The following KCNA6 variants were observed in gnomAD, a reference collection of about 807,000 sequenced individuals.
The protein encoded by KCNA6 is human brain potassium channel-2.
In KCNA6, 17 loss-of-function variants were observed where a neutral mutation model predicts 29.5. The ratio of observed to expected loss-of-function variants is 0.58; its 90% CI spans 0.39 to 0.86. The LOEUF is 0.86. Among genes scored for constraint, KCNA6 ranks in the 40% least tolerant of loss-of-function variants. The pLI is 0.00. For missense variants in KCNA6, 450 were observed against 703.4 expected (o/e 0.64, Z 4.07); for synonymous variants, 296 against 304.7 (o/e 0.97, Z 0.30).
chr12:4,834,980 G>A, the KCNA6 span, among the ~76,000 whole-genome samples: 1 of 152,208 alleles, frequency 6.6e-6, no homozygotes, highest in East Asian at 1.9e-4. Context: ...ACTGACCTAA[G>A]GCACAACAAC....
At chr12:4,820,289 C>A in the KCNA6 span, among the ~76,000 whole-genome samples, 1 of 152,050 alleles carries the variant, frequency 6.6e-6, no homozygotes, top group Non-Finnish European at 1.5e-5. Context: ...TATATTTTAA[C>A]AAAGTTTGTT....
At chr12:4,812,433 C>G (rs1169454337) in exon 1 of KCNA6, 1 of 167,094 alleles carries the variant, frequency 6.0e-6, no homozygotes, top group East Asian at 1.9e-4. Flanking sequence ...CCTTCCTGAG[C>G]AGAAGAACTG....
chr12:4,815,495 G>A (rs1000736833), downstream of KCNA6, among the ~76,000 whole-genome samples: 1 of 152,236 alleles, frequency 6.6e-6, no homozygotes, highest in Non-Finnish European at 1.5e-5. Flanking sequence ...ATCCTCTGCT[G>A]AGTAGCCCTG....
the KCNA6 span, among the ~76,000 whole-genome samples, chr12:4,819,827 C>T: frequency 1.3e-5 from 2 of 152,224 alleles, no homozygotes; most frequent in Admixed American, 1.3e-4. Flanking sequence ...CTCATTTAAC[C>T]TCACCGAGCT....
At chr12:4,841,933 A>G in the KCNA6 span, among the ~76,000 whole-genome samples, 1 of 151,924 alleles carries the variant, frequency 6.6e-6, no homozygotes, top group South Asian at 2.1e-4. Context: ...GCATATATGT[A>G]TTGAGGTCCT....
the KCNA6 span, among the ~76,000 whole-genome samples, chr12:4,850,498 T>A: frequency 6.6e-6 from 1 of 152,086 alleles, no homozygotes; most frequent in East Asian, 1.9e-4. This position sits in a 1 kb window ranked among gnomAD's most constrained non-coding sequence, Gnocchi z 5.4. Flanking sequence ...AGAAATGGCT[T>A]CAGGTTGTAC....
the KCNA6 span, among the ~76,000 whole-genome samples, chr12:4,823,951 C>T: frequency 6.6e-6 from 1 of 152,180 alleles, no homozygotes; most frequent in African/African-American, 2.4e-5. Flanking sequence ...TTCTGAGCCT[C>T]TTGGTCTATC....
At position 4,810,777 on chromosome 12, in the gene KCNA6, G is replaced by A. The variant is rs775589939; in HGVS notation, c.736G>A (p.Gly246Arg). Residue 246 changes from glycine (G) to arginine (R), a missense_variant, in exon 1 of 1, where the codon GGG becomes AGG. By Grantham distance (125) the Gly-to-Arg change is moderately radical. This residue lies in a region of KCNA6 where 74 missense variants were observed against 71.5 expected (regional missense o/e 1.03). Transcript: ENST00000280684. This position sits in a 1 kb window ranked among gnomAD's most constrained non-coding sequence, Gnocchi z 7.5. ...CATCACCCCTGGGGAAATGGGGACC[G>A]GGGGCTCCTCCTCACTCAGTACTCT... is the stretch of plus-strand genomic sequence containing the variant. 2 of 1,595,288 alleles carry A rather than the reference G, an allele frequency of 1.3e-6. No individual in the cohort carries two copies. Among genetic ancestry groups the A allele is most frequent in the South Asian group, 1.2e-5 (1 of 86,324 alleles).
chr12:4,829,302 G>T, the KCNA6 span, among the ~76,000 whole-genome samples: 20 of 152,164 alleles, frequency 1.3e-4, 1 homozygote, highest in Non-Finnish European at 4.4e-5. Context: ...CTTACCGTCT[G>T]AGGAGGGTGC....
chr12:4,817,275 C>T (rs1180640324), downstream of KCNA6, among the ~76,000 whole-genome samples: 1 of 152,208 alleles, frequency 6.6e-6, no homozygotes, highest in Admixed American at 6.5e-5. Flanking sequence ...CATGGCAGAA[C>T]AGGGTCTGGA....
chr12:4,826,995 C>T, the KCNA6 span, among the ~76,000 whole-genome samples: 2 of 151,994 alleles, frequency 1.3e-5, no homozygotes, highest in African/African-American at 4.8e-5. Context: ...TCCTTTCTGC[C>T]TCTATTCCTT....
exon 1 of KCNA6, chr12:4,812,007 C>A (rs1192533236): frequency 9.4e-6 from 2 of 213,214 alleles, no homozygotes. Flanking sequence ...TCTGAGTCTT[C>A]GCTCCCTCCT....
At chr12:4,820,376 A>AG in the KCNA6 span, among the ~76,000 whole-genome samples, 26,187 of 151,874 alleles carry the variant, frequency 0.17, 2,328 homozygotes, top group African/African-American at 0.2. Context: ...TCACAGATGG[A>AG]GGGGGCAGTG....
At chr12:4,850,057 C>A in the KCNA6 span, among the ~76,000 whole-genome samples, 1 of 152,270 alleles carries the variant, frequency 6.6e-6, no homozygotes, top group East Asian at 1.9e-4. The surrounding 1 kb of genome is among the most constrained non-coding windows in gnomAD (Gnocchi z 5.4). Context: ...ACAGGCTTTG[C>A]AATAGAGTGT....
the KCNA6 span, among the ~76,000 whole-genome samples, chr12:4,849,488 T>C: frequency 8.5e-6 from 1 of 117,658 alleles, no homozygotes; most frequent in Non-Finnish European, 1.7e-5. Flanking sequence ...AGATTTTTGC[T>C]CTTTTTTTTT....
chr12:4,819,505 G>A, the KCNA6 span, among the ~76,000 whole-genome samples: 9 of 152,182 alleles, frequency 5.9e-5, no homozygotes, highest in African/African-American at 2.2e-4. Context: ...CTGCTTTCCT[G>A]TCCTTCTTTG....
At chr12:4,832,243 C>T in the KCNA6 span, among the ~76,000 whole-genome samples, 1 of 152,066 alleles carries the variant, frequency 6.6e-6, no homozygotes, top group South Asian at 2.1e-4. Flanking sequence ...ATGTGAGACT[C>T]TGGCAATGTG....
downstream of KCNA6, among the ~76,000 whole-genome samples, chr12:4,817,439 T>A (rs1946693034): frequency 6.6e-6 from 1 of 152,198 alleles, no homozygotes; most frequent in African/African-American, 2.4e-5. Context: ...GGAATGGTCA[T>A]GTTTTTCATG....
the KCNA6 span, among the ~76,000 whole-genome samples, chr12:4,827,222 TTCCTTCC>T: frequency 1.2e-5 from 1 of 83,346 alleles, no homozygotes; most frequent in South Asian, 5.1e-4. Context: ...CCTTCCTTCC[TTCCTTCC>T]TCCTTCCTTC....
Sources: gnomAD v4.1 joint callset for allele counts (sites outside exome capture counted in the v4.1 genomes callset) on GRCh38, gnomAD v4.1.1 for gene constraint, gnomAD v4.1.1 regional missense constraint, Gnocchi (gnomAD v3.1) non-coding constraint, MANE v1.5 for transcripts, NCBI Gene and HGNC (gene_info 2026-07-23, HGNC 2026-07-21) for gene names.